The following C8orf34 variants were observed in gnomAD, a reference collection of about 807,000 sequenced individuals.
The protein encoded by C8orf34 is uncharacterized protein C8orf34.
C8orf34 carries 65 observed loss-of-function variants against 68.3 expected under a neutral mutation model. The ratio of observed to expected loss-of-function variants is 0.95; its 90% CI spans 0.78 to 1.17. The LOEUF (loss-of-function observed/expected upper bound fraction) is 1.17. Among genes scored for constraint, C8orf34 ranks in the 50% most tolerant of loss-of-function variants. C8orf34 has a pLI of 0.00. For missense variants in C8orf34, 664 were observed against 655.4 expected, an observed-to-expected ratio of 1.01 and a Z score of -0.14; for synonymous variants, 244 against 241.2, an observed-to-expected ratio of 1.01 and a Z score of -0.11.
At chr8:68,695,003 T>C (rs1820786404) in intron 8 of C8orf34, among the ~76,000 whole-genome samples, 1 of 152,072 alleles carries the variant, frequency 6.6e-6, no homozygotes, top group East Asian at 1.9e-4. Flanking sequence ...TCCGAATTTA[T>C]ATTTATTTCG....
chr8:68,385,952 T>C (rs1420886761), intron 1 of C8orf34, among the ~76,000 whole-genome samples: 1 of 152,098 alleles, frequency 6.6e-6, no homozygotes, highest in East Asian at 1.9e-4. Flanking sequence ...CAGACTGGAG[T>C]GTAGTGGCGT....
intron 1 of C8orf34, among the ~76,000 whole-genome samples, chr8:68,390,299 G>A (rs1042152726): frequency 3.9e-5 from 6 of 152,064 alleles, no homozygotes; most frequent in Admixed American, 6.6e-5. Flanking sequence ...ACTGAGTTTC[G>A]TTTCCTGAGA....
At chr8:68,461,563 G>A (rs1811827367) in intron 3 of C8orf34, among the ~76,000 whole-genome samples, 2 of 152,316 alleles carry the variant, frequency 1.3e-5, no homozygotes, top group African/African-American at 4.8e-5. Flanking sequence ...TACCCTCAAA[G>A]GGGAGCCCAT....
At chr8:68,492,572 A>G (rs941448037) in intron 5 of C8orf34, among the ~76,000 whole-genome samples, 1 of 152,108 alleles carries the variant, frequency 6.6e-6, no homozygotes. Flanking sequence ...GTTGTGGCTG[A>G]CATCTATCTC....
chr8:68,803,365 G>C (rs1417246006), intron 12 of C8orf34, among the ~76,000 whole-genome samples: 1 of 151,926 alleles, frequency 6.6e-6, no homozygotes, highest in Non-Finnish European at 1.5e-5. Flanking sequence ...AAATTAATCA[G>C]GAAATTAGCC....
chr8:68,375,658 A>G (rs1033776275), intron 1 of C8orf34, among the ~76,000 whole-genome samples: 2 of 152,248 alleles, frequency 1.3e-5, no homozygotes, highest in Admixed American at 1.3e-4. Context: ...TTGTTAGAGA[A>G]TGGGTCCTTG....
At chr8:68,590,293 C>T (rs1195372957) in intron 7 of C8orf34, among the ~76,000 whole-genome samples, 1 of 151,694 alleles carries the variant, frequency 6.6e-6, no homozygotes, top group African/African-American at 2.4e-5. Flanking sequence ...GAAAGGAAAA[C>T]CTTTAAAAAT....
intron 8 of C8orf34, among the ~76,000 whole-genome samples, chr8:68,689,432 TA>T (rs1036032140): frequency 1.3e-5 from 2 of 151,966 alleles, no homozygotes; most frequent in South Asian, 2.1e-4. Flanking sequence ...AAATAACGCT[TA>T]AAAAAATTAA....
intron 1 of C8orf34, among the ~76,000 whole-genome samples, chr8:68,403,573 C>T (rs1295853236): frequency 6.6e-6 from 1 of 152,038 alleles, no homozygotes; most frequent in Admixed American, 6.6e-5. Context: ...TGTGATGTTC[C>T]CTTCCCTGTG....
chr8:68,378,667 A>G (rs1156921460), intron 1 of C8orf34, among the ~76,000 whole-genome samples: 1 of 152,204 alleles, frequency 6.6e-6, no homozygotes, highest in Non-Finnish European at 1.5e-5. Context: ...TTCCTGAGCA[A>G]TTTAACCAAT....
rs1310182761 is a variant in C8orf34 at position 68,674,531 on chromosome 8, T to C, written c.1241+34020T>C. Among the ~76,000 whole-genome samples, 3 of 151,960 alleles carry C rather than the reference T, an allele frequency of 2.0e-5. No homozygotes were observed. The East Asian group carries it at 5.8e-4, about 29-fold the overall frequency. On this transcript the variant is annotated intron_variant, in intron 8 of 13. Transcript: ENST00000518698. ...TACTGAAACATACATCAGAGTCTCT[T>C]AACAGCAGAATTGATCAAGCAGAAA... is the stretch of plus-strand genomic sequence containing the variant.
chr8:68,571,624 C>T (rs1460406452), intron 7 of C8orf34, among the ~76,000 whole-genome samples: 5 of 152,096 alleles, frequency 3.3e-5, no homozygotes, highest in Admixed American at 1.3e-4. Context: ...AGGAAAAATT[C>T]TTTTGGTGTG....
intron 10 of C8orf34, among the ~76,000 whole-genome samples, chr8:68,743,826 C>T (rs1483773501): frequency 6.6e-6 from 1 of 152,244 alleles, no homozygotes; most frequent in African/African-American, 2.4e-5. Flanking sequence ...CACCATTGCC[C>T]AGGCTTGCTT....
chr8:68,471,925 AACACACACAC>A (rs10596354), intron 4 of C8orf34, among the ~76,000 whole-genome samples: 7,417 of 147,174 alleles, frequency 0.05, 236 homozygotes, highest in African/African-American at 0.084. Flanking sequence ...GACTTAAATG[AACACACACAC>A]ACACACACAC....
intron 12 of C8orf34, among the ~76,000 whole-genome samples, chr8:68,794,820 G>C (rs1824130597): frequency 6.6e-6 from 1 of 151,874 alleles, no homozygotes. Flanking sequence ...CATACCAGTT[G>C]AGGACCCATA....
chr8:68,523,955 C>A (rs1280862246), intron 6 of C8orf34, among the ~76,000 whole-genome samples: 1 of 152,188 alleles, frequency 6.6e-6, no homozygotes, highest in Admixed American at 6.5e-5. Context: ...CTGGGGCTGG[C>A]ACATTTTTGT....
At chr8:68,530,487 T>C (rs1815196733) in intron 6 of C8orf34, 1 of 323,392 alleles carries the variant, frequency 3.1e-6, no homozygotes, top group Non-Finnish European at 6.1e-6. Context: ...GTTAGATCTA[T>C]CAGCTAAGAA....
intron 7 of C8orf34, among the ~76,000 whole-genome samples, chr8:68,585,864 C>T (rs560770965): frequency 2.6e-5 from 4 of 152,186 alleles, no homozygotes; most frequent in South Asian, 2.1e-4. Flanking sequence ...CAGACCCAAG[C>T]GGAGGCCACA....
At chr8:68,566,051 A>G (rs1189280945) in intron 7 of C8orf34, among the ~76,000 whole-genome samples, 2 of 152,178 alleles carry the variant, frequency 1.3e-5, no homozygotes, top group East Asian at 1.9e-4. Flanking sequence ...TTTTGATTAT[A>G]TTTTTATTTC....
Sources: gnomAD v4.1 joint callset for allele counts (sites outside exome capture counted in the v4.1 genomes callset) on GRCh38, gnomAD v4.1.1 for gene constraint, MANE v1.5 for transcripts, NCBI Gene and HGNC (gene_info 2026-07-23, HGNC 2026-07-21) for gene names.